Variants in CORO2B observed in about 807,000 individuals in gnomAD.
CORO2B encodes the protein coronin-2B.
A neutral mutation model predicts 58.8 loss-of-function variants in CORO2B; 26 were observed. The ratio of observed to expected loss-of-function variants is 0.44; its 90% CI spans 0.32 to 0.61. CORO2B has a LOEUF of 0.61. Among genes scored for constraint, CORO2B ranks in the 20% least tolerant of loss-of-function variants. CORO2B has a pLI of 0.04. For synonymous variants in CORO2B, 242 were observed against 253.8 expected (o/e 0.95, Z 0.44); for missense variants, 460 against 645.1 (o/e 0.71, Z 3.11).
the CORO2B span, among the ~76,000 whole-genome samples, chr15:68,564,124 A>T: frequency 6.6e-6 from 1 of 152,208 alleles, no homozygotes; most frequent in Non-Finnish European, 1.5e-5. Flanking sequence ...AACTTAGACC[A>T]TTGCTGTGCT....
At chr15:68,575,574 T>C (rs1899264707), upstream of CORO2B, among the ~76,000 whole-genome samples, 1 of 16,696 alleles carries the variant, frequency 6.0e-5, no homozygotes, top group South Asian at 5.2e-3. Flanking sequence ...GACCTTGTGA[T>C]CTGCCCCCGC....
At chr15:68,573,734 G>A in the CORO2B span, among the ~76,000 whole-genome samples, 2 of 152,196 alleles carry the variant, frequency 1.3e-5, no homozygotes, top group Non-Finnish European at 2.9e-5. Context: ...ATTACTAAGT[G>A]AAAGAGCCAG....
At position 68,711,571 on chromosome 15, in the gene CORO2B, G is replaced by A. The variant is rs1892918611; in HGVS notation, c.513G>A (p.Glu171=). Reference sequence around the variant, plus strand: ...TCATCTGGAACCTGGATGTGGGTGAGCCGGTGAAGATGATTGACTGCCACA... The same window carrying A: ...TCATCTGGAACCTGGATGTGGGTGAACCGGTGAAGATGATTGACTGCCACA... The part of the protein sequence containing the change: ...KVLIWNLDVG[E]PVKMIDCHTD... The change falls in exon 5 of 12, where the codon GAG becomes GAA. Residue 171 remains glutamate, a synonymous_variant. Transcript: ENST00000261861. 1 of 1,613,492 alleles carries A rather than the reference G, an allele frequency of 6.2e-7. No individual in the cohort carries two copies. The highest frequency in any genetic ancestry group is 2.2e-5 in the East Asian group (1 of 44,868).
intron 1 of CORO2B, chr15:68,632,373 G>A (rs1018414997): frequency 2.8e-5 from 28 of 985,322 alleles, no homozygotes; most frequent in Non-Finnish European, 3.3e-5. Context: ...CATTCAGCTC[G>A]GTCCAGTAGA....
chr15:68,592,425 G>A (rs1172532275), intron 1 of CORO2B, among the ~76,000 whole-genome samples: 3 of 152,134 alleles, frequency 2.0e-5, no homozygotes, highest in African/African-American at 7.2e-5. Context: ...TACCTGGGGT[G>A]GGGATAGGGG....
At chr15:68,596,085 G>A (rs899302703) in intron 1 of CORO2B, among the ~76,000 whole-genome samples, 1 of 151,994 alleles carries the variant, frequency 6.6e-6, no homozygotes, top group Admixed American at 6.6e-5. Flanking sequence ...TTGTGCAGGA[G>A]TGCTGTTCCT....
intron 1 of CORO2B, among the ~76,000 whole-genome samples, chr15:68,605,754 G>A (rs537771721): frequency 1.3e-3 from 164 of 123,486 alleles, no homozygotes; most frequent in African/African-American, 4.7e-3. Flanking sequence ...ATGGAGTCTC[G>A]CTGTGTCGCC....
chr15:68,710,586 C>T lies in CORO2B; in HGVS notation c.334-146C>T. On this transcript the variant is annotated intron_variant, in intron 3 of 11. Transcript: ENST00000261861. This position sits in a 1 kb window ranked among gnomAD's most constrained non-coding sequence, Gnocchi z 4.1. ...CACCCTGAGACCTCCCAGCAGGCCT[C>T]AGTCGAGCTTTGCCCATCGCCTCAA... 1.1e-6 allele frequency: 1 copy of T among 910,142 alleles called. No individual in the cohort carries two copies. The highest frequency in any genetic ancestry group is 1.6e-6 in the Non-Finnish European group (1 of 637,490). 56.4% of individuals were successfully genotyped at this position (910,142 alleles called of 1,614,324 possible).
At chr15:68,578,223 G>T (rs1281708545), upstream of CORO2B, among the ~76,000 whole-genome samples, 1 of 152,150 alleles carries the variant, frequency 6.6e-6, no homozygotes, top group Non-Finnish European at 1.5e-5. This position sits in a 1 kb window ranked among gnomAD's most constrained non-coding sequence, Gnocchi z 4.2. Flanking sequence ...CCAGTAGAGC[G>T]GCACTCAGTG....
chr15:68,592,845 C>G (rs760635783), intron 1 of CORO2B, among the ~76,000 whole-genome samples: 1 of 152,178 alleles, frequency 6.6e-6, no homozygotes, highest in Non-Finnish European at 1.5e-5. Flanking sequence ...TTCTCAACCC[C>G]GGCTGCAAAT....
chr15:68,579,382 G>T, intron 1 of CORO2B, 105 bp downstream of exon 1: 1 of 1,101,186 alleles, frequency 9.1e-7, no homozygotes, highest in East Asian at 3.8e-5. Flanking sequence ...GGGCGCCGGT[G>T]CCGGGAAGGT....
Position 68,719,243 on chromosome 15 carries a change from G to A in CORO2B, c.1171+9G>A. 1 of 1,613,504 alleles carries A rather than the reference G, an allele frequency of 6.2e-7. No homozygotes were observed. Among genetic ancestry groups the A allele is most frequent in the Non-Finnish European group, 8.5e-7 (1 of 1,179,602 alleles). On this transcript the variant is annotated intron_variant, in intron 10 of 11. Coordinates refer to ENST00000261861, the MANE Select transcript of CORO2B (RefSeq NM_006091.5). ...GGGAGGCATCAACCGAGGTACCACA[G>A]CGGGGGGCTCCACAGAGCACAGGCG...
chr15:68,673,998 T>G (rs1469699442), intron 2 of CORO2B, among the ~76,000 whole-genome samples: 1 of 152,102 alleles, frequency 6.6e-6, no homozygotes, highest in Non-Finnish European at 1.5e-5. Flanking sequence ...ATGGCAAAAG[T>G]TAGAAGGAGG....
rs549464764 is a variant in CORO2B at position 68,715,209 on chromosome 15, C to T, written c.871-6C>T. 8.7e-6 allele frequency: 14 copies of T among 1,613,098 alleles called. No homozygotes were observed. In the East Asian group the frequency reaches 2.9e-4, roughly 33 times the overall value. ...CCTTCCTCAACTCCATCTCTCCTGA[C>T]CCCAGGGTGATGGAAACATCCGGTA... On this transcript the variant is annotated splice_polypyrimidine_tract_variant and splice_region_variant and intron_variant, in intron 7 of 11. Coordinates refer to ENST00000261861, the MANE Select transcript of CORO2B (RefSeq NM_006091.5).
chr15:68,642,285 ATC>A (rs766863708), intron 1 of CORO2B, among the ~76,000 whole-genome samples: 79 of 152,196 alleles, frequency 5.2e-4, no homozygotes, highest in African/African-American at 1.8e-3. Context: ...TGGGATTTGA[ATC>A]TAGGTGTGCG....
chr15:68,559,793 G>A, the CORO2B span, among the ~76,000 whole-genome samples: 2 of 152,204 alleles, frequency 1.3e-5, no homozygotes, highest in Non-Finnish European at 2.9e-5. This position sits in a 1 kb window ranked among gnomAD's most constrained non-coding sequence, Gnocchi z 4.3. Flanking sequence ...GGCGCGGCCC[G>A]CATCCTTCCT....
At chr15:68,675,293 A>G (rs750253612) in intron 2 of CORO2B, among the ~76,000 whole-genome samples, 7 of 152,192 alleles carry the variant, frequency 4.6e-5, no homozygotes, top group East Asian at 3.8e-4. Flanking sequence ...AGGATTTCAC[A>G]GTAACTTTGA....
chr15:68,528,734 T>C, the CORO2B span, among the ~76,000 whole-genome samples: 1 of 151,480 alleles, frequency 6.6e-6, no homozygotes, highest in East Asian at 1.9e-4. Context: ...TAAGTGTTTG[T>C]TGGAATTCAC....
chr15:68,646,857 C>T (rs1595987391), intron 2 of CORO2B, among the ~76,000 whole-genome samples: 1 of 152,188 alleles, frequency 6.6e-6, no homozygotes, highest in Non-Finnish European at 1.5e-5. Context: ...CACAGCAGCT[C>T]TAACACATTC....
Sources: allele counts gnomAD v4.1 joint callset (sites outside exome capture counted in the v4.1 genomes callset), GRCh38; gene constraint gnomAD v4.1.1; non-coding constraint Gnocchi (gnomAD v3.1); transcripts MANE v1.5; gene names NCBI Gene and HGNC (gene_info 2026-07-23, HGNC 2026-07-21).